Variants in NLK observed in about 807,000 individuals in gnomAD.
NLK encodes the protein nemo like kinase.
In NLK, 11 loss-of-function variants were observed where a neutral mutation model predicts 59.0. That is an observed-to-expected ratio of 0.19 (90% CI 0.12 to 0.31). The LOEUF (loss-of-function observed/expected upper bound fraction) is 0.31. NLK is among the 10% of genes least tolerant of loss of function. The pLI is 1.00. For missense variants in NLK, 410 were observed against 661.1 expected, an observed-to-expected ratio of 0.62 and a Z score of 4.16; for synonymous variants, 235 against 235.9, an observed-to-expected ratio of 1.00 and a Z score of 0.03.
the NLK span, among the ~76,000 whole-genome samples, chr17:28,204,151 AC>A: frequency 6.6e-6 from 1 of 152,190 alleles, no homozygotes; most frequent in Non-Finnish European, 1.5e-5. Context: ...CTTATATTTG[AC>A]AGATGACAAA....
intron 8 of NLK, among the ~76,000 whole-genome samples, chr17:28,189,251 G>C (rs1218967983): frequency 6.6e-6 from 1 of 152,170 alleles, no homozygotes; most frequent in Non-Finnish European, 1.5e-5. Context: ...CAGGCCAGAT[G>C]CACCAATGAC....
intron 3 of NLK, among the ~76,000 whole-genome samples, chr17:28,155,573 A>G (rs1214489647): frequency 6.6e-6 from 1 of 152,218 alleles, no homozygotes; most frequent in East Asian, 1.9e-4. Context: ...AATGTGGCAC[A>G]TATACACCAT....
intron 5 of NLK, among the ~76,000 whole-genome samples, chr17:28,165,777 C>T (rs1382210270): frequency 2.0e-5 from 3 of 152,120 alleles, no homozygotes; most frequent in African/African-American, 7.2e-5. Flanking sequence ...TGCTTTATAA[C>T]AGAAGGCCTT....
intron 3 of NLK, among the ~76,000 whole-genome samples, chr17:28,148,590 A>C (rs1393077679): frequency 6.6e-6 from 1 of 152,166 alleles, no homozygotes; most frequent in East Asian, 1.9e-4. Context: ...GTCATTGGCC[A>C]AAAGGGTATC....
chr17:28,202,302 A>G, the NLK span, among the ~76,000 whole-genome samples: 3 of 152,166 alleles, frequency 2.0e-5, no homozygotes, highest in Non-Finnish European at 4.4e-5. Context: ...AGGCTGAGGT[A>G]GGGGAATTGC....
intron 3 of NLK, among the ~76,000 whole-genome samples, chr17:28,160,945 G>T (rs1484376742): frequency 6.6e-6 from 1 of 152,162 alleles, no homozygotes; most frequent in African/African-American, 2.4e-5. Flanking sequence ...AAATCATTTG[G>T]TCGTTTACTT....
At chr17:28,105,297 A>G (rs887587372) in intron 1 of NLK, among the ~76,000 whole-genome samples, 1 of 152,234 alleles carries the variant, frequency 6.6e-6, no homozygotes, top group African/African-American at 2.4e-5. Context: ...AATTCTAGCT[A>G]TGGTATAACA....
At chr17:28,116,259 T>G (rs1189873825) in intron 1 of NLK, 1 of 193,846 alleles carries the variant, frequency 5.2e-6, no homozygotes, top group Non-Finnish European at 1.1e-5. Context: ...ATGAAACCTA[T>G]ATCCTTCATG....
At chr17:28,054,290 G>A (rs1349237996) in intron 1 of NLK, among the ~76,000 whole-genome samples, 2 of 152,130 alleles carry the variant, frequency 1.3e-5, no homozygotes, top group Non-Finnish European at 2.9e-5. Flanking sequence ...CAGTAATTGG[G>A]GTTATCCTGA....
At chr17:28,155,189 CCTTG>C (rs1402687192) in intron 3 of NLK, among the ~76,000 whole-genome samples, 41 of 152,152 alleles carry the variant, frequency 2.7e-4, no homozygotes, top group African/African-American at 9.2e-4. Context: ...CAAGGGATTC[CCTTG>C]CTTGTTTTGT....
intron 1 of NLK, among the ~76,000 whole-genome samples, chr17:28,111,896 G>GGTGTGTGTGTGTGTGTGTGT (rs747211468): frequency 5.9e-5 from 4 of 67,484 alleles, no homozygotes; most frequent in Admixed American, 1.9e-4. Flanking sequence ...GTGTGTGTGT[G>GGTGTGTGTGTGTGTGTGTGT]GTGTGTGTGT....
At chr17:28,092,933 C>T (rs1904557495) in intron 1 of NLK, among the ~76,000 whole-genome samples, 1 of 151,786 alleles carries the variant, frequency 6.6e-6, no homozygotes, top group Non-Finnish European at 1.5e-5. Flanking sequence ...GTAGCTGGGA[C>T]TACAGGCATG....
At chr17:28,066,740 T>C (rs1909834961) in intron 1 of NLK, among the ~76,000 whole-genome samples, 1 of 152,216 alleles carries the variant, frequency 6.6e-6, no homozygotes, top group Non-Finnish European at 1.5e-5. Context: ...GTATAAAAGT[T>C]CCAGTTGCTT....
chr17:28,203,695 C>T, the NLK span, among the ~76,000 whole-genome samples: 1 of 152,162 alleles, frequency 6.6e-6, no homozygotes, highest in Non-Finnish European at 1.5e-5. Context: ...TGCCACCACG[C>T]CTGGCTAATT....
rs534163942 is a variant in NLK, at chr17:28,133,840, C to A, written c.644+1165C>A. On this transcript the variant is annotated intron_variant, in intron 3 of 10. Transcript: ENST00000407008. ...TGAGGTAATGAAAATCTCATTCTTA[C>A]ACAGGGGGTTGGTAATTCCATATGA... 2.0e-5 allele frequency among the ~76,000 whole-genome samples: 3 copies of A among 152,170 alleles called. No homozygotes were observed. In the South Asian group the frequency reaches 6.2e-4, roughly 32 times the overall value.
chr17:28,172,725 G>T (rs1249503875), intron 7 of NLK, 107 bp downstream of exon 7: 2 of 521,586 alleles, frequency 3.8e-6, no homozygotes, highest in Admixed American at 4.4e-5. Context: ...TTATCTGTAG[G>T]ATTTTTTTTT....
intron 1 of NLK, among the ~76,000 whole-genome samples, chr17:28,045,115 A>T (rs1909007301): frequency 6.6e-6 from 1 of 152,144 alleles, no homozygotes. Flanking sequence ...GCCCACATAT[A>T]TTTGGTTTGA....
Position 28,042,883 on chromosome 17 carries a change from T to G in NLK, c.10T>G (p.Cys4Gly). MSL[C>G]GARANAKMMA... ...AGGGCATTTATTTTGAATGTCTCTTTGTGGCGCAAGAGCCAACGCAAAAAT... is the reference window on the plus strand; with the variant it reads ...AGGGCATTTATTTTGAATGTCTCTTGGTGGCGCAAGAGCCAACGCAAAAAT... The change falls in exon 1 of 11, where the codon TGT becomes GGT. Residue 4 changes from cysteine (C) to glycine (G), a missense_variant. Around this residue, in one of 5 missense-constraint regions of NLK, gnomAD observed 160 missense variants for 171.0 expected, o/e 0.94. Transcript: ENST00000407008. 1 of 1,505,830 alleles carries G rather than the reference T, an allele frequency of 6.6e-7. No individual in the cohort carries two copies. The highest frequency in any genetic ancestry group is 8.9e-7 in the Non-Finnish European group (1 of 1,119,438). The allele number at this position is 1,505,830 out of a possible 1,614,324, so 93.3% of individuals were successfully genotyped here.
At chr17:28,163,081 C>G (rs1354947858) in intron 4 of NLK, among the ~76,000 whole-genome samples, 4 of 152,188 alleles carry the variant, frequency 2.6e-5, no homozygotes, top group African/African-American at 4.8e-5. Flanking sequence ...GTAAAGAATA[C>G]TACTGACAGT....
Sources: gnomAD v4.1 joint callset for allele counts (sites outside exome capture counted in the v4.1 genomes callset) on GRCh38, gnomAD v4.1.1 for gene constraint, gnomAD v4.1.1 regional missense constraint, MANE v1.5 for transcripts, NCBI Gene and HGNC (gene_info 2026-07-23, HGNC 2026-07-21) for gene names.